The following NLGN1 variants were observed in gnomAD, a reference collection of about 807,000 sequenced individuals.
NLGN1 encodes the protein neuroligin 1.
Under a neutral mutation model 65.5 loss-of-function variants are expected in NLGN1, and 12 were observed. That is an observed-to-expected ratio of 0.18 (90% confidence interval 0.12 to 0.30). The LOEUF (loss-of-function observed/expected upper bound fraction) is 0.30, where lower values mean the gene tolerates loss of function less well. Ranked by LOEUF, NLGN1 falls within the 10% of genes least tolerant of loss-of-function variation. The pLI is 1.00. For synonymous variants in NLGN1, 350 were observed against 359.5 expected (o/e 0.97, Z 0.30); for missense variants, 750 against 1,007.1 (o/e 0.74, Z 3.46).
intron 4 of NLGN1, among the ~76,000 whole-genome samples, chr3:174,205,954 C>T (rs1193008348): frequency 6.6e-6 from 1 of 152,110 alleles, no homozygotes; most frequent in Admixed American, 6.6e-5. Context: ...GTAGGCATGG[C>T]CACTATTATT....
chr3:173,624,170 A>G (rs1216095043), intron 3 of NLGN1, among the ~76,000 whole-genome samples: 1 of 152,078 alleles, frequency 6.6e-6, no homozygotes, highest in Non-Finnish European at 1.5e-5. Flanking sequence ...TTTGGGCCTC[A>G]GTTTTCACTT....
chr3:174,273,875 C>T (rs1447773687), intron 4 of NLGN1, among the ~76,000 whole-genome samples: 2 of 151,366 alleles, frequency 1.3e-5, no homozygotes, highest in Non-Finnish European at 3.0e-5. Context: ...TACAATGATC[C>T]TAGAGAATTT....
chr3:173,716,605 C>G (rs1029826648), intron 3 of NLGN1, among the ~76,000 whole-genome samples: 3 of 151,976 alleles, frequency 2.0e-5, no homozygotes, highest in Admixed American at 2.0e-4. Context: ...CTACTTCTTC[C>G]CGGGGGCTGA....
At chr3:173,608,181 C>T (rs1751691746) in intron 3 of NLGN1, among the ~76,000 whole-genome samples, 1 of 151,822 alleles carries the variant, frequency 6.6e-6, no homozygotes, top group South Asian at 2.1e-4. Flanking sequence ...ACAATATTTT[C>T]CTGCAATTAA....
At chr3:173,500,462 T>G (rs1367475310) in intron 2 of NLGN1, among the ~76,000 whole-genome samples, 2 of 152,174 alleles carry the variant, frequency 1.3e-5, no homozygotes, top group African/African-American at 2.4e-5. Context: ...GCCAGTCTTT[T>G]ATTGAGGATT....
At chr3:174,271,129 A>C (rs546875447) in intron 4 of NLGN1, among the ~76,000 whole-genome samples, 1 of 151,938 alleles carries the variant, frequency 6.6e-6, no homozygotes, top group East Asian at 1.9e-4. Context: ...CATAATGTGG[A>C]CTAAAAAGAA....
chr3:173,708,434 C>G (rs1429952219), intron 3 of NLGN1, among the ~76,000 whole-genome samples: 3 of 152,290 alleles, frequency 2.0e-5, no homozygotes, highest in Non-Finnish European at 4.4e-5. Flanking sequence ...ATCACCACCT[C>G]TCAGCCCCAA....
intron 2 of NLGN1, among the ~76,000 whole-genome samples, chr3:173,449,773 G>A (rs1183895746): frequency 6.6e-6 from 1 of 152,126 alleles, no homozygotes; most frequent in Admixed American, 6.5e-5. Flanking sequence ...ATATTTAGGA[G>A]AGTTAGTTCT....
chr3:174,184,004 A>G (rs1730941020), intron 4 of NLGN1, among the ~76,000 whole-genome samples: 1 of 152,312 alleles, frequency 6.6e-6, no homozygotes, highest in African/African-American at 2.4e-5. Context: ...GAGCAATTAA[A>G]AGATAATCCT....
chr3:173,747,117 G>A (rs1274032148), intron 3 of NLGN1, among the ~76,000 whole-genome samples: 1 of 148,350 alleles, frequency 6.7e-6, no homozygotes, highest in Non-Finnish European at 1.5e-5. Context: ...TATACCACGT[G>A]TATACGTGTG....
intron 4 of NLGN1, among the ~76,000 whole-genome samples, chr3:173,831,695 T>G (rs1722603951): frequency 6.6e-6 from 1 of 152,214 alleles, no homozygotes; most frequent in Admixed American, 6.5e-5. Context: ...ACGTGCATTT[T>G]ATGGCTGTCT....
chr3:174,215,125 T>C (rs1737360753), intron 4 of NLGN1, among the ~76,000 whole-genome samples: 1 of 152,134 alleles, frequency 6.6e-6, no homozygotes, highest in South Asian at 2.1e-4. Context: ...CCAGGAGTTT[T>C]TCTCGGTTGG....
At chr3:173,700,679 T>A (rs1766996696) in intron 3 of NLGN1, among the ~76,000 whole-genome samples, 4 of 152,222 alleles carry the variant, frequency 2.6e-5, no homozygotes, top group African/African-American at 9.6e-5. Context: ...GAATCTAATT[T>A]CTGTCATATT....
intron 3 of NLGN1, among the ~76,000 whole-genome samples, chr3:173,679,174 A>G (rs1194689102): frequency 6.6e-6 from 1 of 151,966 alleles, no homozygotes; most frequent in Non-Finnish European, 1.5e-5. Flanking sequence ...GAAATGATTT[A>G]GAGTTGATGA....
At chr3:173,621,799 G>C (rs1379654351) in intron 3 of NLGN1, among the ~76,000 whole-genome samples, 1 of 151,888 alleles carries the variant, frequency 6.6e-6, no homozygotes, top group Non-Finnish European at 1.5e-5. Context: ...TGGGAGGAAG[G>C]TGATGCTGTT....
intron 3 of NLGN1, among the ~76,000 whole-genome samples, chr3:173,725,626 C>G: frequency 6.6e-6 from 1 of 152,178 alleles, no homozygotes; most frequent in Non-Finnish European, 1.5e-5. Flanking sequence ...TGCTGTATAG[C>G]TAATCACTAC....
At chr3:174,024,249 A>T (rs769349314) in intron 4 of NLGN1, among the ~76,000 whole-genome samples, 2 of 151,524 alleles carry the variant, frequency 1.3e-5, no homozygotes, top group African/African-American at 4.8e-5. Context: ...GAACAAAGGG[A>T]TTTCATGATT....
chr3:173,458,449 C>T (rs374850336), intron 2 of NLGN1, among the ~76,000 whole-genome samples: 9 of 152,140 alleles, frequency 5.9e-5, no homozygotes, highest in African/African-American at 9.6e-5. Context: ...CATTTATCTT[C>T]TCCTCTGCAT....
intron 2 of NLGN1, among the ~76,000 whole-genome samples, chr3:173,437,800 G>A (rs1403398828): frequency 1.3e-5 from 2 of 151,466 alleles, no homozygotes; most frequent in Non-Finnish European, 2.9e-5. Flanking sequence ...CACACACACA[G>A]ATATGCACAC....
Sources: allele counts gnomAD v4.1 joint callset (sites outside exome capture counted in the v4.1 genomes callset), GRCh38; gene constraint gnomAD v4.1.1; transcripts MANE v1.5; gene names NCBI Gene and HGNC (gene_info 2026-07-23, HGNC 2026-07-21).